RBFOX1: variants seen among roughly 807,000 people sequenced by gnomAD.
RBFOX1 encodes the protein RNA binding protein fox-1 homolog 1.
A neutral mutation model predicts 57.7 loss-of-function variants in RBFOX1; 8 were observed. The ratio of observed to expected loss-of-function variants is 0.14; its 90% CI spans 0.08 to 0.25. The LOEUF (loss-of-function observed/expected upper bound fraction) is 0.25, where lower values mean the gene tolerates loss of function less well. Ranked by LOEUF, RBFOX1 falls within the 10% of genes least tolerant of loss-of-function variation. The probability of loss-of-function intolerance (pLI) is 1.00; values close to 1 mark genes in which losing one functional copy is unlikely to be tolerated. For missense variants in RBFOX1, 611 were observed against 548.5 expected (o/e 1.11, Z -1.14); for synonymous variants, 326 against 222.4 (o/e 1.47, Z -4.15).
At chr16:7,137,712 T>G (rs1212311539) in intron 4 of RBFOX1, among the ~76,000 whole-genome samples, 1 of 152,166 alleles carries the variant, frequency 6.6e-6, no homozygotes, top group Non-Finnish European at 1.5e-5. Context: ...CAACAGCAAC[T>G]TAACTCAAAG....
intron 3 of RBFOX1, among the ~76,000 whole-genome samples, chr16:6,660,690 T>A (rs1603207905): frequency 1.3e-5 from 2 of 152,180 alleles, no homozygotes; most frequent in African/African-American, 4.8e-5. Flanking sequence ...GCTTGAGAAA[T>A]TCATAATACT....
intron 3 of RBFOX1, among the ~76,000 whole-genome samples, chr16:6,896,336 A>G (rs1006947785): frequency 6.6e-6 from 1 of 152,214 alleles, no homozygotes; most frequent in African/African-American, 2.4e-5. Context: ...TTTTAAATAT[A>G]AAATTACTAC....
intron 11 of RBFOX1, among the ~76,000 whole-genome samples, chr16:7,653,587 C>T (rs2065585427): frequency 6.6e-6 from 1 of 152,200 alleles, no homozygotes; most frequent in Admixed American, 6.5e-5. Flanking sequence ...TGTCAGTCAC[C>T]ACATTCTCCT....
At chr16:6,927,052 C>T (rs2075720456) in intron 3 of RBFOX1, among the ~76,000 whole-genome samples, 1 of 151,982 alleles carries the variant, frequency 6.6e-6, no homozygotes, top group Non-Finnish European at 1.5e-5. Context: ...CTAAATCCAC[C>T]CACCATTTTT....
At chr16:5,643,792 C>G (rs1261306283) in intron 3 of RBFOX1, among the ~76,000 whole-genome samples, 3 of 152,200 alleles carry the variant, frequency 2.0e-5, no homozygotes, top group Admixed American at 2.0e-4. Flanking sequence ...CCATCCACTA[C>G]TGTCCCCTAA....
At chr16:7,337,383 A>G (rs1251099312) in intron 4 of RBFOX1, among the ~76,000 whole-genome samples, 1 of 152,222 alleles carries the variant, frequency 6.6e-6, no homozygotes, top group Non-Finnish European at 1.5e-5. Context: ...GTAGGCATTC[A>G]CAGGACAAAA....
intron 4 of RBFOX1, among the ~76,000 whole-genome samples, chr16:7,381,774 T>C (rs988677005): frequency 6.6e-6 from 1 of 152,210 alleles, no homozygotes; most frequent in Non-Finnish European, 1.5e-5. Flanking sequence ...AATTTACTGT[T>C]TATATCACGG....
At chr16:5,959,430 A>G (rs545246715) in intron 4 of RBFOX1, among the ~76,000 whole-genome samples, 1 of 152,322 alleles carries the variant, frequency 6.6e-6, no homozygotes, top group South Asian at 2.1e-4. Flanking sequence ...ACGTCATTCC[A>G]TTGACCTAGC....
intron 2 of RBFOX1, among the ~76,000 whole-genome samples, chr16:6,544,259 C>T (rs1049857773): frequency 6.6e-6 from 1 of 152,146 alleles, no homozygotes; most frequent in Non-Finnish European, 1.5e-5. Flanking sequence ...TTGGCCACCA[C>T]AGGTGTGGTT....
chr16:6,737,542 C>G (rs935215541), intron 3 of RBFOX1, among the ~76,000 whole-genome samples: 16 of 152,196 alleles, frequency 1.1e-4, no homozygotes, highest in African/African-American at 2.2e-4. Flanking sequence ...GTCATTGCTG[C>G]TCAACATCAG....
At chr16:7,553,755 G>A (rs1373871743) in intron 5 of RBFOX1, among the ~76,000 whole-genome samples, 2 of 152,164 alleles carry the variant, frequency 1.3e-5, no homozygotes, top group South Asian at 2.1e-4. Context: ...ATATGTTAGG[G>A]TAATCACAAC....
intron 2 of RBFOX1, among the ~76,000 whole-genome samples, chr16:6,547,052 C>G (rs879625607): frequency 6.6e-6 from 1 of 152,236 alleles, no homozygotes; most frequent in African/African-American, 2.4e-5. Flanking sequence ...CGTATTATTA[C>G]TAGCTTTGCC....
At chr16:6,286,407 C>T (rs1057194611) in intron 1 of RBFOX1, among the ~76,000 whole-genome samples, 17 of 152,216 alleles carry the variant, frequency 1.1e-4, no homozygotes, top group African/African-American at 4.1e-4. Context: ...AGTCTGTGTC[C>T]TACAGCCTGG....
intron 3 of RBFOX1, chr16:5,632,692 G>GT: frequency 6.6e-6 from 1 of 152,308 alleles, no homozygotes; most frequent in East Asian, 1.9e-4. Flanking sequence ...TATTGGGAAG[G>GT]TTTAATACAG....
intron 3 of RBFOX1, among the ~76,000 whole-genome samples, chr16:6,888,507 C>T (rs1265939908): frequency 6.6e-6 from 1 of 152,090 alleles, no homozygotes; most frequent in African/African-American, 2.4e-5. Flanking sequence ...TGCAATTGCA[C>T]TCTCTGTCTA....
intron 3 of RBFOX1, among the ~76,000 whole-genome samples, chr16:6,991,196 A>G (rs137979945): frequency 3.2e-4 from 49 of 151,150 alleles, no homozygotes; most frequent in African/African-American, 1.0e-3. Flanking sequence ...TTCCAGTTAC[A>G]GAATGAGGCA....
intron 4 of RBFOX1, among the ~76,000 whole-genome samples, chr16:7,316,742 G>A (rs2096448519): frequency 6.6e-6 from 1 of 152,102 alleles, no homozygotes; most frequent in Non-Finnish European, 1.5e-5. Context: ...TGGGAGGTAG[G>A]CAAGGAGGTG....
intron 14 of RBFOX1, among the ~76,000 whole-genome samples, chr16:7,704,381 A>G (rs1016240842): frequency 1.2e-4 from 19 of 152,174 alleles, no homozygotes; most frequent in African/African-American, 4.3e-4. Flanking sequence ...CACAGAAATG[A>G]TGTAAAAAGT....
At chr16:7,211,517 A>G (rs2091134315) in intron 4 of RBFOX1, among the ~76,000 whole-genome samples, 2 of 152,146 alleles carry the variant, frequency 1.3e-5, no homozygotes, top group Non-Finnish European at 2.9e-5. Context: ...AATACAGGGA[A>G]TTAAAAACTC....
Sources: allele counts gnomAD v4.1 joint callset (sites outside exome capture counted in the v4.1 genomes callset), GRCh38; gene constraint gnomAD v4.1.1; transcripts MANE v1.5; gene names NCBI Gene and HGNC (gene_info 2026-07-23, HGNC 2026-07-21).